The following PRKCB variants were observed in gnomAD, a reference collection of about 807,000 sequenced individuals.
The protein encoded by PRKCB is protein kinase C beta, also known as protein kinase C beta type.
PRKCB carries 13 observed loss-of-function variants against 81.5 expected under a neutral mutation model. The ratio of observed to expected loss-of-function variants is 0.16; its 90% CI spans 0.10 to 0.25. The LOEUF is 0.25. PRKCB is among the 10% of genes least tolerant of loss of function. PRKCB has a pLI of 1.00. For synonymous variants in PRKCB, 335 were observed against 321.4 expected (o/e 1.04, Z -0.45); for missense variants, 509 against 875.7 (o/e 0.58, Z 5.29).
intron 10 of PRKCB, among the ~76,000 whole-genome samples, chr16:24,165,491 A>G (rs935756351): frequency 6.6e-6 from 1 of 152,226 alleles, no homozygotes; most frequent in Non-Finnish European, 1.5e-5. Flanking sequence ...TAAGCGCTCG[A>G]TGAAAGTTCT....
chr16:23,954,035 AT>A (rs936716346), intron 2 of PRKCB, among the ~76,000 whole-genome samples: 3 of 151,336 alleles, frequency 2.0e-5, no homozygotes, highest in South Asian at 2.1e-4. Context: ...TGCCCGGCTA[AT>A]TTTTTTTTAA....
chr16:23,908,322 G>A (rs1963594860), intron 2 of PRKCB, among the ~76,000 whole-genome samples: 1 of 152,112 alleles, frequency 6.6e-6, no homozygotes, highest in African/African-American at 2.4e-5. Context: ...ATTAGTGGGT[G>A]AATGGGGGTT....
intron 5 of PRKCB, among the ~76,000 whole-genome samples, chr16:24,091,369 A>G (rs1378574159): frequency 6.6e-6 from 1 of 152,306 alleles, no homozygotes; most frequent in Middle Eastern, 3.4e-3. Flanking sequence ...GTTAGAGTCG[A>G]TTTGGATTGA....
intron 2 of PRKCB, among the ~76,000 whole-genome samples, chr16:23,938,822 C>T (rs1454780039): frequency 6.6e-6 from 1 of 152,126 alleles, no homozygotes; most frequent in Non-Finnish European, 1.5e-5. Flanking sequence ...GACCCTGGGA[C>T]GTGTTCAACA....
chr16:24,016,950 C>T (rs1259965543), intron 3 of PRKCB, among the ~76,000 whole-genome samples: 2 of 152,172 alleles, frequency 1.3e-5, no homozygotes, highest in Non-Finnish European at 2.9e-5. Context: ...CTTTACTGTC[C>T]ACTGAGCTGG....
intron 2 of PRKCB, among the ~76,000 whole-genome samples, chr16:23,860,609 C>T (rs779994498): frequency 4.6e-5 from 7 of 151,898 alleles, no homozygotes; most frequent in Non-Finnish European, 1.0e-4. Context: ...TTGTAGGCCG[C>T]GTGTGGTGGC....
At chr16:23,979,226 C>T (rs764939200) in intron 2 of PRKCB, among the ~76,000 whole-genome samples, 3 of 152,192 alleles carry the variant, frequency 2.0e-5, no homozygotes, top group Admixed American at 6.5e-5. Flanking sequence ...TATTCAAGGT[C>T]ACACAGCTAA....
At chr16:24,105,223 A>C (rs916988201) in intron 7 of PRKCB, among the ~76,000 whole-genome samples, 2 of 151,762 alleles carry the variant, frequency 1.3e-5, no homozygotes, top group African/African-American at 4.8e-5. Flanking sequence ...CACCCATCTA[A>C]TTTTTGTGTT....
intron 10 of PRKCB, among the ~76,000 whole-genome samples, chr16:24,166,506 CG>C (rs1967349624): frequency 6.6e-6 from 1 of 152,046 alleles, no homozygotes; most frequent in Non-Finnish European, 1.5e-5. Context: ...AAATCAGGAA[CG>C]TAAGTGCTTA....
intron 3 of PRKCB, among the ~76,000 whole-genome samples, chr16:24,019,529 C>T (rs1480945281): frequency 6.6e-6 from 1 of 152,054 alleles, no homozygotes; most frequent in Non-Finnish European, 1.5e-5. Flanking sequence ...TCTGGGAGGC[C>T]GAAGCAGGCG....
In PRKCB at chr16:24,092,862, A is replaced by G; in HGVS notation, c.601A>G (p.Ile201Val). 1 of 1,614,144 alleles carries G rather than the reference A, an allele frequency of 6.2e-7. No homozygotes were observed. The highest frequency in any genetic ancestry group is 8.5e-7 in the Non-Finnish European group (1 of 1,180,020). The change falls in exon 6 of 17, where the codon ATT (isoleucine) becomes GTT (valine). Residue 201 changes from isoleucine (I) to valine (V), a missense_variant. This residue lies in a region of PRKCB where 184 missense variants were observed against 362.9 expected (regional missense o/e 0.51). Transcript: ENST00000643927. Reference sequence around the variant, plus strand: ...AGATCCCTACGTAAAACTGAAACTGATTCCCGATCCCAAAAGTGAGAGCAA... The same window carrying G: ...AGATCCCTACGTAAAACTGAAACTGGTTCCCGATCCCAAAAGTGAGAGCAA... ...LSDPYVKLKL[I>V]PDPKSESKQK... is the part of the protein sequence containing the mutation.
rs189908812 is a variant in PRKCB at position 24,149,411 on chromosome 16, A to C, written c.1066-5273A>C. 2.6e-5 allele frequency among the ~76,000 whole-genome samples: 4 copies of C among 152,362 alleles called. No homozygotes were observed. The East Asian group carries it at 7.7e-4, about 29-fold the overall frequency. On this transcript the variant is annotated intron_variant, in intron 9 of 16. Coordinates refer to ENST00000643927, the MANE Select transcript of PRKCB (RefSeq NM_002738.7). ...TATCGAAAATGAAAGCTTGATTAGA[A>C]TATTAAGAAGAAAAGGAAAGTTTTC...
intron 2 of PRKCB, among the ~76,000 whole-genome samples, chr16:23,878,473 C>T (rs1249054595): frequency 6.6e-6 from 1 of 152,144 alleles, no homozygotes; most frequent in Non-Finnish European, 1.5e-5. Flanking sequence ...CCCTATGGGA[C>T]CATTTTACAG....
intron 2 of PRKCB, among the ~76,000 whole-genome samples, chr16:23,933,699 A>T (rs1181137564): frequency 7.5e-6 from 1 of 133,750 alleles, no homozygotes; most frequent in Non-Finnish European, 1.6e-5. Context: ...TTGATTTTCT[A>T]TCCATCCATC....
At chr16:24,032,545 A>G (rs1046843332) in intron 4 of PRKCB, among the ~76,000 whole-genome samples, 1 of 152,160 alleles carries the variant, frequency 6.6e-6, no homozygotes, top group East Asian at 1.9e-4. Flanking sequence ...GGATTAGCAG[A>G]TGGAGGTGGG....
At chr16:24,021,050 CTT>C in intron 3 of PRKCB, among the ~76,000 whole-genome samples, 7 of 82,910 alleles carry the variant, frequency 8.4e-5, no homozygotes, top group South Asian at 1.2e-3. Context: ...CTCTTTCTTT[CTT>C]TCTTTCCCTC....
At chr16:23,938,878 A>AAAAG (rs1018197468) in intron 2 of PRKCB, among the ~76,000 whole-genome samples, 6 of 152,234 alleles carry the variant, frequency 3.9e-5, no homozygotes, top group East Asian at 3.9e-4. Context: ...AATACGGCAA[A>AAAAG]AAAGAAAGAA....
At chr16:23,850,212 A>T (rs1468903771) in intron 2 of PRKCB, among the ~76,000 whole-genome samples, 1 of 151,882 alleles carries the variant, frequency 6.6e-6, no homozygotes, top group Non-Finnish European at 1.5e-5. Context: ...TTCTTTATTC[A>T]TTCATCCTCT....
chr16:23,988,529 A>G lies in PRKCB; in HGVS notation c.227A>G (p.Lys76Arg). ...QCQVCCFVVH[K>R]RCHEFVTFSC... ...GCAGTTTGCTGCTTTGTGGTGCACAAGCGGTGCCATGAATTTGTCACATTC... is the reference window on the plus strand; with the variant it reads ...GCAGTTTGCTGCTTTGTGGTGCACAGGCGGTGCCATGAATTTGTCACATTC... Residue 76 changes from lysine (K) to arginine (R), a missense_variant, in exon 3 of 17, where the codon AAG (lysine) becomes AGG (arginine). Physicochemically the swap from Lys to Arg is conservative, Grantham distance 26. This residue lies in a region of PRKCB where 184 missense variants were observed against 362.9 expected (regional missense o/e 0.51). Coordinates refer to ENST00000643927, the MANE Select transcript of PRKCB (RefSeq NM_002738.7). 1 of 1,614,014 alleles carries G rather than the reference A, an allele frequency of 6.2e-7. No individual in the cohort carries two copies. The highest frequency in any genetic ancestry group is 8.5e-7 in the Non-Finnish European group (1 of 1,179,972).
Sources: gnomAD v4.1 joint callset for allele counts (sites outside exome capture counted in the v4.1 genomes callset) on GRCh38, gnomAD v4.1.1 for gene constraint, gnomAD v4.1.1 regional missense constraint, MANE v1.5 for transcripts, NCBI Gene and HGNC (gene_info 2026-07-23, HGNC 2026-07-21) for gene names.